AMBRA1: variants seen among roughly 807,000 people sequenced by gnomAD.
AMBRA1 encodes the protein activating molecule in BECN1-regulated autophagy protein 1.
In AMBRA1, 47 loss-of-function variants were observed where a neutral mutation model predicts 125.4. That is an observed-to-expected ratio of 0.37 (90% CI 0.30 to 0.48). AMBRA1 has a LOEUF of 0.48. AMBRA1 is among the 20% of genes least tolerant of loss of function. AMBRA1 has a pLI of 0.99. For synonymous variants in AMBRA1, 626 were observed against 655.5 expected (o/e 0.95, Z 0.69); for missense variants, 1,331 against 1,693.4 (o/e 0.79, Z 3.76).
At chr11:46,524,740 G>A (rs1951895376) in intron 7 of AMBRA1, among the ~76,000 whole-genome samples, 1 of 152,176 alleles carries the variant, frequency 6.6e-6, no homozygotes, top group Non-Finnish European at 1.5e-5. Context: ...CAAAATATCT[G>A]CAGGGAATAT....
chr11:46,507,351 C>T (rs532224960), intron 9 of AMBRA1, among the ~76,000 whole-genome samples: 34 of 151,424 alleles, frequency 2.2e-4, no homozygotes, highest in African/African-American at 4.9e-4. Flanking sequence ...CGGTGGCGGG[C>T]GCCTGTAGTC....
At chr11:46,492,529 C>T (rs1346063384) in intron 11 of AMBRA1, among the ~76,000 whole-genome samples, 1 of 152,190 alleles carries the variant, frequency 6.6e-6, no homozygotes, top group Non-Finnish European at 1.5e-5. Context: ...GATTTTTATA[C>T]CTTTTATGCA....
intron 9 of AMBRA1, among the ~76,000 whole-genome samples, chr11:46,501,358 G>A (rs1215186751): frequency 6.6e-6 from 1 of 152,220 alleles, no homozygotes; most frequent in African/African-American, 2.4e-5. Flanking sequence ...GTGTGGGTGT[G>A]TGCATGAGTG....
chr11:46,558,682 A>G (rs1454318023), intron 1 of AMBRA1, among the ~76,000 whole-genome samples: 1 of 152,112 alleles, frequency 6.6e-6, no homozygotes, highest in Non-Finnish European at 1.5e-5. Context: ...TTCTGAAAAT[A>G]TGGAAATTAA....
chr11:46,439,206 T>C lies in AMBRA1; in HGVS notation c.2633-4169A>G, dbSNP rs1396114984. ...GGAGGATCATTTGAGCTCAGGAGTT[T>C]GAGGTTATAGTGAGATATGATCACG... On this transcript the variant is annotated intron_variant, in intron 12 of 17. Coordinates refer to ENST00000683756, the MANE Select transcript of AMBRA1 (RefSeq NM_001387011.1). Among the ~76,000 whole-genome samples the C allele has an allele frequency of 3.3e-5, 5 of 152,046 alleles. No individual in the cohort carries two copies. The East Asian group carries it at 9.6e-4, about 29-fold the overall frequency.
chr11:46,576,082 G>C (rs1161861146), intron 1 of AMBRA1, among the ~76,000 whole-genome samples: 1 of 152,052 alleles, frequency 6.6e-6, no homozygotes, highest in Admixed American at 6.6e-5. Context: ...TGATCACTAT[G>C]ATTCAGGAAG....
intron 11 of AMBRA1, among the ~76,000 whole-genome samples, chr11:46,466,949 C>T (rs1163740034): frequency 4.9e-5 from 7 of 142,116 alleles, no homozygotes; most frequent in Non-Finnish European, 7.5e-5. Flanking sequence ...GATGGAGTCT[C>T]GCTCTGTTGC....
chr11:46,434,110 C>T (rs968740244), intron 13 of AMBRA1, among the ~76,000 whole-genome samples: 4 of 115,186 alleles, frequency 3.5e-5, no homozygotes, highest in Admixed American at 9.6e-5. Context: ...AGTGAAACTC[C>T]GTCTCAAAAA....
chr11:46,510,189 T>G (rs1951204166), intron 8 of AMBRA1, among the ~76,000 whole-genome samples: 1 of 152,212 alleles, frequency 6.6e-6, no homozygotes, highest in Non-Finnish European at 1.5e-5. Context: ...GTATAGCAAG[T>G]AGGCATAGGA....
chr11:46,457,370 C>G (rs1189761422), intron 11 of AMBRA1, among the ~76,000 whole-genome samples: 1 of 152,192 alleles, frequency 6.6e-6, no homozygotes, highest in Non-Finnish European at 1.5e-5. Flanking sequence ...GGAAAATGGA[C>G]TCCTAAATAC....
At chr11:46,534,818 C>A (rs1952389645) in intron 7 of AMBRA1, among the ~76,000 whole-genome samples, 1 of 152,164 alleles carries the variant, frequency 6.6e-6, no homozygotes, top group African/African-American at 2.4e-5. Context: ...GGACTACAGG[C>A]ACATGCCACG....
At chr11:46,547,912 G>C (rs376275885) in intron 2 of AMBRA1, 37 bp from the exon 3 acceptor site, 16 of 1,563,080 alleles carry the variant, frequency 1.0e-5, no homozygotes, top group Non-Finnish European at 1.4e-5. Context: ...TAAAATACAT[G>C]ATTTGTAGAC....
chr11:46,397,616 G>T lies in AMBRA1; in HGVS notation c.3731C>A (p.Thr1244Asn). 6.2e-7 allele frequency: 1 copy of T among 1,610,670 alleles called. No homozygotes were observed. Among genetic ancestry groups the T allele is most frequent in the South Asian group, 1.1e-5 (1 of 90,610 alleles). Residue 1244 changes from threonine (T) to asparagine (N), a missense_variant, in exon 18 of 18, where the codon ACC becomes AAC. This residue lies in a region of AMBRA1 where 144 missense variants were observed against 133.9 expected (regional missense o/e 1.08). Coordinates refer to ENST00000683756, the MANE Select transcript of AMBRA1 (RefSeq NM_001387011.1). ...GGAGGAAGAGGGCAGGGTTGGCTGG[G>T]TTGGCTCCCGCCCAGGGGTACCAGG... The part of the protein sequence containing the change: ...DQPGTPGREP[T>N]QPTLPSSSPV...
chr11:46,533,210 G>A (rs1212982391), intron 7 of AMBRA1, among the ~76,000 whole-genome samples: 1 of 151,928 alleles, frequency 6.6e-6, no homozygotes, highest in Non-Finnish European at 1.5e-5. Flanking sequence ...GGAAAAATGT[G>A]TTTTGATTAG....
At chr11:46,474,639 C>T (rs887369698) in intron 11 of AMBRA1, among the ~76,000 whole-genome samples, 1 of 152,200 alleles carries the variant, frequency 6.6e-6, no homozygotes, top group African/African-American at 2.4e-5. Context: ...CCACCCACCT[C>T]GGCCTCCCAA....
At chr11:46,537,087 A>C (rs1230441320) in intron 7 of AMBRA1, among the ~76,000 whole-genome samples, 1 of 152,228 alleles carries the variant, frequency 6.6e-6, no homozygotes. Flanking sequence ...TATTGGGATT[A>C]ATCAATGTAG....
At chr11:46,472,455 C>A (rs543418082) in intron 11 of AMBRA1, among the ~76,000 whole-genome samples, 56 of 152,304 alleles carry the variant, frequency 3.7e-4, no homozygotes, top group Non-Finnish European at 6.3e-4. Flanking sequence ...GAAGTTAGAG[C>A]ACTTTACCAA....
intron 11 of AMBRA1, among the ~76,000 whole-genome samples, chr11:46,473,059 C>T (rs1949667629): frequency 6.6e-6 from 1 of 152,210 alleles, no homozygotes; most frequent in African/African-American, 2.4e-5. Context: ...AGTGCTAGAT[C>T]ATGTTAGGAA....
intron 1 of AMBRA1, among the ~76,000 whole-genome samples, chr11:46,570,334 T>C (rs1293061424): frequency 6.8e-6 from 1 of 147,520 alleles, no homozygotes; most frequent in Non-Finnish European, 1.5e-5. Flanking sequence ...CCACTCTAAG[T>C]CTCCTCCATG....
Sources: gnomAD v4.1 joint callset for allele counts (sites outside exome capture counted in the v4.1 genomes callset) on GRCh38, gnomAD v4.1.1 for gene constraint, gnomAD v4.1.1 regional missense constraint, MANE v1.5 for transcripts, NCBI Gene and HGNC (gene_info 2026-07-23, HGNC 2026-07-21) for gene names.